Variants in SPATS1 observed in about 807,000 individuals in gnomAD.
SPATS1 encodes the protein spermatogenesis-associated serine-rich protein 1.
In SPATS1, 23 loss-of-function variants were observed where a neutral mutation model predicts 33.6. The ratio of observed to expected loss-of-function variants is 0.68; its 90% CI spans 0.49 to 0.97. SPATS1 has a LOEUF of 0.97. SPATS1 is among the 50% of genes least tolerant of loss of function. The pLI is 0.00. For missense variants in SPATS1, 327 were observed against 361.0 expected (o/e 0.91, Z 0.76); for synonymous variants, 131 against 125.6 (o/e 1.04, Z -0.29).
At chr6:44,353,300 A>G (rs1442477598) in intron 3 of SPATS1, among the ~76,000 whole-genome samples, 1 of 152,208 alleles carries the variant, frequency 6.6e-6, no homozygotes, top group Non-Finnish European at 1.5e-5. Flanking sequence ...AAGAGTCACA[A>G]TTAGGGTAGT....
At chr6:44,355,610 A>C (rs1377013075) in intron 3 of SPATS1, among the ~76,000 whole-genome samples, 2 of 152,212 alleles carry the variant, frequency 1.3e-5, no homozygotes, top group Non-Finnish European at 2.9e-5. Flanking sequence ...CTGTACATTC[A>C]GCTTTTGCCC....
intron 7 of SPATS1, among the ~76,000 whole-genome samples, chr6:44,372,811 T>G (rs1331359681): frequency 6.6e-6 from 1 of 152,204 alleles, no homozygotes; most frequent in Non-Finnish European, 1.5e-5. Flanking sequence ...GGCAGTTAAG[T>G]CACTTGCAGT....
rs180747959 is a variant in SPATS1 at position 44,369,123 on chromosome 6, C to T, written c.695+624C>T. ...ATGTTAGCCAGGATGGTCTTGATCT[C>T]CTGACCTCGTGATCCGCCCGCCTTG... On this transcript the variant is annotated intron_variant, in intron 6 of 8. Coordinates refer to ENST00000674044, the MANE Select transcript of SPATS1 (RefSeq NM_001372081.1). 3.9e-3 allele frequency among the ~76,000 whole-genome samples: 593 copies of T among 152,132 alleles called. 4 individuals are homozygous for T. The highest frequency in any genetic ancestry group is 0.013 in the African/African-American group (535 of 41,512).
rs369533233 is a variant in SPATS1, at chr6:44,368,426, C to T, written c.622C>T (p.Pro208Ser). The change falls in exon 6 of 9, where the codon CCA becomes TCA. Residue 208 changes from proline to serine, a missense_variant. Pro to Ser is a moderately conservative substitution (Grantham distance 74). Coordinates refer to ENST00000674044, the MANE Select transcript of SPATS1 (RefSeq NM_001372081.1). ...GIPKLTPGDN[P>S]YMYPEQSKGF... ...CCCAAAGTTAACTCCAGGCGACAAT[C>T]CATATATGTACCCAGAACAGAGTAA... 16 of 1,613,568 alleles carry T rather than the reference C, an allele frequency of 9.9e-6. No homozygotes were observed. Among genetic ancestry groups the T allele is most frequent in the Non-Finnish European group, 1.3e-5 (15 of 1,179,808 alleles).
At position 44,377,060 on chromosome 6, in the gene SPATS1, C is replaced by T. The variant is rs759352126; in HGVS notation, c.900C>T (p.Ser300=). The T allele has an allele frequency of 3.1e-6, 5 of 1,614,212 alleles. No homozygotes were observed. In the South Asian group the frequency reaches 5.5e-5, roughly 18 times the overall value. ...GTGCTTTGGACTTTCCAAGACAATC[C>T]TGAGCATAAACAGGCCCACAAAACA... ...LSGALDFPRQ[S] Residue 300 remains serine, a synonymous_variant, in exon 9 of 9, where the codon TCC becomes TCT. Transcript: ENST00000674044.
At chr6:44,360,121 A>G (rs139738816) in intron 3 of SPATS1, among the ~76,000 whole-genome samples, 2 of 152,184 alleles carry the variant, frequency 1.3e-5, no homozygotes, top group African/African-American at 2.4e-5. Context: ...GGAACCACCA[A>G]ATTATTTTTA....
rs746508118 is a variant in SPATS1 at position 44,378,588 on chromosome 6, A to G, written c.*1525A>G. ...GGAGTTCGAGACCAGCCTGGTCAACATGGCGAAACCTGTCTCTACTAAAAT... is the reference window on the plus strand; with the variant it reads ...GGAGTTCGAGACCAGCCTGGTCAACGTGGCGAAACCTGTCTCTACTAAAAT... On this transcript the variant is annotated 3_prime_UTR_variant, in exon 9 of 9. Transcript: ENST00000674044. The G allele has an allele frequency of 6.6e-5, 10 of 152,262 alleles. No homozygotes were observed. The highest frequency in any genetic ancestry group is 1.9e-4 in the African/African-American group (8 of 41,540). 9.4% of individuals were successfully genotyped at this position (152,262 alleles called of 1,614,324 possible).
intron 2 of SPATS1, among the ~76,000 whole-genome samples, chr6:44,349,488 A>G (rs767080217): frequency 6.6e-6 from 1 of 152,118 alleles, no homozygotes; most frequent in Admixed American, 6.5e-5. Context: ...TTCCTTCTTT[A>G]TATATGTGCA....
intron 3 of SPATS1, among the ~76,000 whole-genome samples, chr6:44,359,191 G>A (rs1388178435): frequency 6.6e-6 from 1 of 152,006 alleles, no homozygotes; most frequent in African/African-American, 2.4e-5. Flanking sequence ...AAACACCTGG[G>A]CTTAAGTGAT....
At chr6:44,364,614 G>A (rs1789126187) in intron 5 of SPATS1, among the ~76,000 whole-genome samples, 1 of 152,050 alleles carries the variant, frequency 6.6e-6, no homozygotes, top group African/African-American at 2.4e-5. Context: ...AAACGCAATG[G>A]TCTTTTTCCA....
At chr6:44,360,709 G>T (rs1045363758) in intron 4 of SPATS1, 139 bp downstream of exon 4, 2 of 1,043,702 alleles carry the variant, frequency 1.9e-6, no homozygotes, top group African/African-American at 1.6e-5. Flanking sequence ...CAAAACCTCT[G>T]CCAGGAAGCC....
chr6:44,377,008 C>G, intron 8 of SPATS1, 27 bp from the exon 9 acceptor site: 2 of 1,613,946 alleles, frequency 1.2e-6, no homozygotes, highest in Non-Finnish European at 1.7e-6. Context: ...TGGAAGAAAA[C>G]CTGTAACTCC....
intron 2 of SPATS1, among the ~76,000 whole-genome samples, chr6:44,345,329 C>G (rs560391325): frequency 4.7e-4 from 72 of 152,246 alleles, no homozygotes; most frequent in Middle Eastern, 6.8e-3. Flanking sequence ...GTCCATCAGA[C>G]AAGCTTTCCC....
intron 2 of SPATS1, chr6:44,343,444 T>G (rs1205502200): frequency 1.5e-6 from 1 of 665,948 alleles, no homozygotes; most frequent in African/African-American, 1.8e-5. Context: ...GAGAGTCTCA[T>G]AAATTACCTC....
chr6:44,360,836 T>C (rs1028211954), intron 4 of SPATS1, among the ~76,000 whole-genome samples: 2 of 152,250 alleles, frequency 1.3e-5, no homozygotes, highest in African/African-American at 4.8e-5. Flanking sequence ...CCAATATTTT[T>C]CAACAATATC....
intron 2 of SPATS1, among the ~76,000 whole-genome samples, chr6:44,350,383 G>A (rs888917424): frequency 1.3e-5 from 2 of 152,234 alleles, no homozygotes; most frequent in Non-Finnish European, 2.9e-5. Flanking sequence ...GCAGGGGTGA[G>A]GGTGGGGGCT....
rs1047804937 is a variant in SPATS1, at chr6:44,377,725, A to C, written c.*662A>C. 1 of 156,080 alleles carries C rather than the reference A, an allele frequency of 6.4e-6. No homozygotes were observed. Among genetic ancestry groups the C allele is most frequent in the African/African-American group, 2.4e-5 (1 of 41,512 alleles). 9.7% of individuals were successfully genotyped at this position (156,080 alleles called of 1,614,324 possible). A position where few individuals can be genotyped will look rare whatever the true frequency, so the allele number is the denominator to read the frequency against. On this transcript the variant is annotated 3_prime_UTR_variant, in exon 9 of 9. Transcript: ENST00000674044. ...GCAGGTTCAGTGTCTGCTGAGGGCC[A>C]GCCTTCTGGCTCATAGATAGTACCT...
chr6:44,374,464 A>G (rs1317953749), intron 7 of SPATS1, among the ~76,000 whole-genome samples: 1 of 152,098 alleles, frequency 6.6e-6, no homozygotes, highest in African/African-American at 2.4e-5. Context: ...CTAATTCTCT[A>G]TTTTATTTGC....
intron 5 of SPATS1, among the ~76,000 whole-genome samples, chr6:44,366,371 G>C (rs1207179183): frequency 6.6e-6 from 1 of 151,916 alleles, no homozygotes; most frequent in Non-Finnish European, 1.5e-5. Context: ...TGATCCACCT[G>C]CCTCGGCCTC....
Sources: gnomAD v4.1 joint callset for allele counts (sites outside exome capture counted in the v4.1 genomes callset) on GRCh38, gnomAD v4.1.1 for gene constraint, MANE v1.5 for transcripts, NCBI Gene and HGNC (gene_info 2026-07-23, HGNC 2026-07-21) for gene names.